Variants in MFSD1 observed in about 807,000 individuals in gnomAD.
MFSD1 encodes the protein major facilitator superfamily domain containing 1, also known as lysosomal dipeptide transporter MFSD1.
A neutral mutation model predicts 67.1 loss-of-function variants in MFSD1; 59 were observed. The observed-to-expected ratio is 0.88, with a 90% CI of 0.71 to 1.09. The LOEUF is 1.09. Ranked by LOEUF, MFSD1 falls within the 50% of genes least tolerant of loss-of-function variation. MFSD1 has a pLI of 0.00. For synonymous variants in MFSD1, 213 were observed against 200.3 expected, an observed-to-expected ratio of 1.06 and a Z score of -0.54; for missense variants, 552 against 566.1, an observed-to-expected ratio of 0.97 and a Z score of 0.25.
chr3:158,810,627 T>G (rs373828533), intron 6 of MFSD1, among the ~76,000 whole-genome samples: 10 of 152,200 alleles, frequency 6.6e-5, no homozygotes, highest in African/African-American at 2.4e-4. Context: ...ATGGAATTAT[T>G]AAGTCAGGGT....
chr3:158,802,244 C>A lies in MFSD1; in HGVS notation c.92C>A (p.Pro31Gln). 6.2e-7 allele frequency: 1 copy of A among 1,611,418 alleles called. No homozygotes were observed. The highest frequency in any genetic ancestry group is 1.1e-5 in the South Asian group (1 of 90,852). ...RGAPAAPGAL[P>Q]ALCDPSRLAH... is the part of the protein sequence containing the mutation. ...GCCCCGGCCGCCCCTGGAGCCCTGC[C>A]GGCCCTCTGCGACCCCAGTCGCCTG... Residue 31 changes from proline to glutamine, a missense_variant, in exon 1 of 16, where the codon CCG becomes CAG. Coordinates refer to ENST00000415822, the MANE Select transcript of MFSD1 (RefSeq NM_022736.4).
intron 6 of MFSD1, among the ~76,000 whole-genome samples, chr3:158,811,112 T>C (rs1729984008): frequency 6.6e-6 from 1 of 152,246 alleles, no homozygotes; most frequent in South Asian, 2.1e-4. Context: ...TCTCTGTGTA[T>C]GTATTTTCTT....
At position 158,802,259 on chromosome 3, in the gene MFSD1, C is replaced by A. The variant is rs371265696; in HGVS notation, c.107C>A (p.Pro36His). The A allele has an allele frequency of 4.3e-6, 7 of 1,611,530 alleles. No homozygotes were observed. The South Asian group carries it at 7.7e-5, about 18-fold the overall frequency. The change falls in exon 1 of 16, where the codon CCC becomes CAC. Residue 36 changes from proline to histidine, a missense_variant. Physicochemically the swap from Pro to His is moderately conservative, Grantham distance 77. Coordinates refer to ENST00000415822, the MANE Select transcript of MFSD1 (RefSeq NM_022736.4). Reference sequence around the variant, plus strand: ...GGAGCCCTGCCGGCCCTCTGCGACCCCAGTCGCCTGGCGCACCGGCTTTTG... The same window carrying A: ...GGAGCCCTGCCGGCCCTCTGCGACCACAGTCGCCTGGCGCACCGGCTTTTG... The part of the protein sequence containing the change: ...APGALPALCD[P>H]SRLAHRLLVL...
chr3:158,820,349 T>G, intron 9 of MFSD1, 23 bp downstream of exon 9: 1 of 1,460,134 alleles, frequency 6.8e-7, no homozygotes, highest in East Asian at 2.3e-5. Flanking sequence ...TATGTTTCCA[T>G]TATTTCTTGT....
intron 2 of MFSD1, among the ~76,000 whole-genome samples, chr3:158,805,008 T>A (rs1323640053): frequency 6.6e-6 from 1 of 152,146 alleles, no homozygotes; most frequent in Non-Finnish European, 1.5e-5. Context: ...GCTAAGATTA[T>A]CCTTGTATAT....
chr3:158,806,847 T>G (rs182082018), intron 3 of MFSD1, among the ~76,000 whole-genome samples, 193 bp from the exon 4 acceptor site: 13 of 152,298 alleles, frequency 8.5e-5, no homozygotes, highest in African/African-American at 2.9e-4. Flanking sequence ...ATATTTAGCC[T>G]GAGAGTTGCT....
At chr3:158,804,538 G>A (rs554812783) in intron 2 of MFSD1, among the ~76,000 whole-genome samples, 167 bp downstream of exon 2, 1 of 152,182 alleles carries the variant, frequency 6.6e-6, no homozygotes, top group Non-Finnish European at 1.5e-5. Context: ...AAGTTGAAAT[G>A]AGTTACCACA....
chr3:158,818,978 G>A (rs372749812), intron 7 of MFSD1, among the ~76,000 whole-genome samples: 242 of 152,342 alleles, frequency 1.6e-3, no homozygotes, highest in African/African-American at 5.2e-3. Context: ...TCATTTCAGC[G>A]AATTTTCAAC....
chr3:158,807,546 C>T (rs1193065037), intron 5 of MFSD1, 83 bp downstream of exon 5: 3 of 1,106,632 alleles, frequency 2.7e-6, no homozygotes, highest in Non-Finnish European at 2.7e-6. Context: ...AACCTTGTCT[C>T]TTCTGGGGAA....
chr3:158,811,374 G>T (rs1162797656), intron 6 of MFSD1, among the ~76,000 whole-genome samples: 1 of 152,242 alleles, frequency 6.6e-6, no homozygotes, highest in Non-Finnish European at 1.5e-5. Context: ...GAAATGTTGA[G>T]TAGGCAGTTG....
intron 7 of MFSD1, 57 bp downstream of exon 7, chr3:158,814,124 A>T: frequency 7.3e-7 from 1 of 1,362,790 alleles, no homozygotes. Context: ...CATAGGAAGT[A>T]TCATAGCAGG....
Position 158,807,565 on chromosome 3 carries a change from A to T in MFSD1, c.440+102A>T. ...TTGTCTCTTCTGGGGAATTACTTCA[A>T]ATCTTTGAAACCTAGCTTCATATGC... On this transcript the variant is annotated intron_variant, in intron 5 of 15. Transcript: ENST00000415822. 3.2e-6 allele frequency: 3 copies of T among 937,704 alleles called. No homozygotes were observed. In the South Asian group the frequency reaches 4.5e-5, roughly 14 times the overall value. The allele number at this position is 937,704 out of a possible 1,614,324, so 58.1% of individuals were successfully genotyped here.
intron 15 of MFSD1, among the ~76,000 whole-genome samples, chr3:158,827,988 G>C (rs958016450): frequency 7.3e-5 from 10 of 136,336 alleles, no homozygotes; most frequent in African/African-American, 2.5e-4. Flanking sequence ...GACAGAGATC[G>C]ATCTATATTA....
chr3:158,812,477 C>T (rs1300671399), intron 6 of MFSD1, among the ~76,000 whole-genome samples: 1 of 152,046 alleles, frequency 6.6e-6, no homozygotes, highest in African/African-American at 2.4e-5. Flanking sequence ...TCTCATAATC[C>T]CTAAACTGCC....
chr3:158,808,767 T>G (rs953315462), intron 5 of MFSD1, among the ~76,000 whole-genome samples: 2 of 152,024 alleles, frequency 1.3e-5, no homozygotes, highest in Non-Finnish European at 2.9e-5. Context: ...GCTGGTAAGA[T>G]TCATGGAAGG....
Position 158,821,927 on chromosome 3 carries a change from A to G in MFSD1, c.921-57A>G, listed in dbSNP as rs1384656988. 1.2e-5 allele frequency: 18 copies of G among 1,553,430 alleles called. No homozygotes were observed. The South Asian group carries it at 1.7e-4, about 15-fold the overall frequency. On this transcript the variant is annotated intron_variant, in intron 10 of 15. Transcript: ENST00000415822. The stretch of plus-strand genomic sequence containing the variant: ...GCCTGATATTTTCAAGACTTTCTTG[A>G]AACTGATGTTTGACTGTGTTGCATT...
At chr3:158,812,069 A>G (rs1451950246) in intron 6 of MFSD1, among the ~76,000 whole-genome samples, 1 of 152,240 alleles carries the variant, frequency 6.6e-6, no homozygotes, top group Non-Finnish European at 1.5e-5. Flanking sequence ...AGTGAAGGAA[A>G]ATTGAAAGGG....
chr3:158,802,169 AG>A lies in MFSD1; in HGVS notation c.19del (p.Glu7LysfsTer42), dbSNP rs1212769720. ...GCGGGCGCAATGGAGGAGGAGGATG[AG>A]GAAGCGCGGGCGCTCCTGGCAGGCG... MEEED[E>X]EARALLAGGP... is the part of the protein sequence containing the mutation. On this transcript the variant is annotated frameshift_variant, in exon 1 of 16. Transcript: ENST00000415822. LOFTEE classifies it high-confidence loss of function. 1.2e-6 allele frequency: 2 copies of A among 1,612,602 alleles called. No homozygotes were observed. The highest frequency in any genetic ancestry group is 3.3e-5 in the Admixed American group (2 of 59,944).
chr3:158,827,200 T>TTGCA, intron 14 of MFSD1, 80 bp from the exon 15 acceptor site: 2 of 808,734 alleles, frequency 2.5e-6, no homozygotes, highest in Admixed American at 5.6e-5. Flanking sequence ...ATGCAAATGG[T>TTGCA]TGCATGTATG....
Sources: allele counts gnomAD v4.1 joint callset (sites outside exome capture counted in the v4.1 genomes callset), GRCh38; gene constraint gnomAD v4.1.1; transcripts MANE v1.5; gene names NCBI Gene and HGNC (gene_info 2026-07-23, HGNC 2026-07-21).